Variants in RSRC1 observed in about 807,000 individuals in gnomAD.
RSRC1 encodes serine/Arginine-related protein 53.
In RSRC1, 39 loss-of-function variants were observed where a neutral mutation model predicts 49.1. The observed-to-expected ratio is 0.79, with a 90% confidence interval of 0.61 to 1.04. The LOEUF (loss-of-function observed/expected upper bound fraction) is 1.04. RSRC1 is among the 50% of genes least tolerant of loss of function. The probability of loss-of-function intolerance (pLI) is 0.00; values close to 1 mark genes in which losing one functional copy is unlikely to be tolerated. For synonymous variants in RSRC1, 143 were observed against 130.8 expected, an observed-to-expected ratio of 1.09 and a Z score of -0.63; for missense variants, 388 against 402.4, an observed-to-expected ratio of 0.96 and a Z score of 0.31.
intron 6 of RSRC1, among the ~76,000 whole-genome samples, chr3:158,427,192 CA>C (rs1429612503): frequency 7.7e-6 from 1 of 129,756 alleles, no homozygotes; most frequent in Admixed American, 7.6e-5. Context: ...GCCAACCAAC[CA>C]AAAAAAAAGG....
At chr3:158,173,718 C>T (rs1719020276) in intron 3 of RSRC1, among the ~76,000 whole-genome samples, 1 of 151,908 alleles carries the variant, frequency 6.6e-6, no homozygotes, top group Non-Finnish European at 1.5e-5. Flanking sequence ...TGCTCATCAA[C>T]TGATGAACGA....
chr3:158,141,954 C>T (rs886665699), intron 3 of RSRC1, among the ~76,000 whole-genome samples: 11 of 152,124 alleles, frequency 7.2e-5, no homozygotes, highest in Middle Eastern at 3.4e-3. Context: ...AATAATTAGC[C>T]GGGCGTGGTG....
At chr3:158,201,388 G>A (rs1247104090) in intron 3 of RSRC1, among the ~76,000 whole-genome samples, 2 of 151,998 alleles carry the variant, frequency 1.3e-5, no homozygotes, top group South Asian at 2.1e-4. Flanking sequence ...TATAGAATCT[G>A]TAAATTTGTC....
chr3:158,543,023 G>A (rs552891970), intron 8 of RSRC1, among the ~76,000 whole-genome samples: 2 of 152,104 alleles, frequency 1.3e-5, no homozygotes, highest in African/African-American at 4.8e-5. Context: ...CTTATCATAA[G>A]AAATGATTGA....
At chr3:158,170,307 C>CTTTTTTTT (rs11400606) in intron 3 of RSRC1, among the ~76,000 whole-genome samples, 1 of 143,184 alleles carries the variant, frequency 7.0e-6, no homozygotes, top group Non-Finnish European at 1.5e-5. Flanking sequence ...TCTGGTCTGC[C>CTTTTTTTT]TTTTTTTTTT....
intron 7 of RSRC1, among the ~76,000 whole-genome samples, chr3:158,473,560 G>GT (rs573934495): frequency 0.012 from 1,875 of 152,078 alleles, 34 homozygotes; most frequent in African/African-American, 0.043. Context: ...TATACCTAAT[G>GT]TAAATGACGA....
At chr3:158,292,243 A>G (rs1178118875) in intron 4 of RSRC1, among the ~76,000 whole-genome samples, 1 of 152,200 alleles carries the variant, frequency 6.6e-6, no homozygotes, top group African/African-American at 2.4e-5. Context: ...CACTTTTTCA[A>G]TATTATTACA....
chr3:158,428,137 T>G (rs1388246474), intron 6 of RSRC1, among the ~76,000 whole-genome samples: 1 of 151,770 alleles, frequency 6.6e-6, no homozygotes, highest in African/African-American at 2.4e-5. Context: ...TTTGTTCTCC[T>G]TCCCTCTAGG....
intron 5 of RSRC1, chr3:158,302,696 C>G (rs375481061): frequency 1.1e-5 from 1 of 92,898 alleles, no homozygotes; most frequent in East Asian, 4.2e-4. Context: ...GAGTCTTGCT[C>G]AGTCTCCCAG....
intron 3 of RSRC1, among the ~76,000 whole-genome samples, chr3:158,166,001 A>G (rs1193170554): frequency 6.6e-6 from 1 of 152,178 alleles, no homozygotes; most frequent in African/African-American, 2.4e-5. Context: ...TTAAGAGAGG[A>G]AGTAAGAAGT....
intron 3 of RSRC1, among the ~76,000 whole-genome samples, chr3:158,166,085 A>G (rs1718511665): frequency 6.6e-6 from 1 of 152,190 alleles, no homozygotes; most frequent in Non-Finnish European, 1.5e-5. Flanking sequence ...TGAAAGCTAT[A>G]CATATTTTTT....
At chr3:158,179,885 C>T (rs1051834980) in intron 3 of RSRC1, among the ~76,000 whole-genome samples, 4 of 152,082 alleles carry the variant, frequency 2.6e-5, no homozygotes, top group African/African-American at 9.7e-5. Context: ...TCTCTGTGTC[C>T]ACCAATATTT....
At chr3:158,149,458 T>G (rs2108209810) in intron 3 of RSRC1, among the ~76,000 whole-genome samples, 1 of 152,238 alleles carries the variant, frequency 6.6e-6, no homozygotes, top group East Asian at 1.9e-4. Context: ...ATCTTGGTTG[T>G]AGAGCTTGAT....
chr3:158,373,351 G>A (rs762918748), intron 6 of RSRC1, among the ~76,000 whole-genome samples: 1 of 151,854 alleles, frequency 6.6e-6, no homozygotes, highest in African/African-American at 2.4e-5. Context: ...TAAGCAAGAT[G>A]TAAACTGTAG....
chr3:158,127,163 G>A (rs1715681368), intron 3 of RSRC1, among the ~76,000 whole-genome samples: 1 of 151,872 alleles, frequency 6.6e-6, no homozygotes, highest in Non-Finnish European at 1.5e-5. Context: ...TTAAATTTGG[G>A]TGCCTATTTG....
chr3:158,225,065 T>C (rs1339335974), intron 4 of RSRC1, among the ~76,000 whole-genome samples: 1 of 151,834 alleles, frequency 6.6e-6, no homozygotes, highest in Non-Finnish European at 1.5e-5. Flanking sequence ...ACTAGTCTTT[T>C]TGTCTGTCTT....
intron 3 of RSRC1, among the ~76,000 whole-genome samples, chr3:158,190,938 A>G (rs1266634824): frequency 6.6e-6 from 1 of 151,918 alleles, no homozygotes; most frequent in Non-Finnish European, 1.5e-5. Flanking sequence ...TTTATTAGAA[A>G]TAGGGTCTTG....
In RSRC1 at chr3:158,487,490, G is replaced by T. The variant is rs562407828; in HGVS notation, c.652+26487G>T. ...AGCAGCTGTGACTCTTGATGTTATT[G>T]TCTATTTGATGAACTTGGTTGTTAT... is the stretch of plus-strand genomic sequence containing the variant. On this transcript the variant is annotated intron_variant, in intron 7 of 9. Coordinates refer to ENST00000611884, the MANE Select transcript of RSRC1 (RefSeq NM_001271838.2). Among the ~76,000 whole-genome samples the T allele has an allele frequency of 3.9e-5, 6 of 152,204 alleles. 1 individual carries two copies. In the South Asian group the frequency reaches 1.2e-3, roughly 32 times the overall value.
chr3:158,120,496 G>A (rs566800103), intron 1 of RSRC1, among the ~76,000 whole-genome samples: 2 of 148,668 alleles, frequency 1.3e-5, no homozygotes, highest in East Asian at 2.0e-4. Context: ...TGTGGTTTTT[G>A]CCATTACTTT....
Sources: gnomAD v4.1 joint callset for allele counts (sites outside exome capture counted in the v4.1 genomes callset) on GRCh38, gnomAD v4.1.1 for gene constraint, MANE v1.5 for transcripts, NCBI Gene and HGNC (gene_info 2026-07-23, HGNC 2026-07-21) for gene names.